Variants in NAAA observed in about 807,000 individuals in gnomAD.
NAAA encodes N-acylethanolamine acid amidase.
In NAAA, 39 loss-of-function variants were observed where a neutral mutation model predicts 44.8. The ratio of observed to expected loss-of-function variants is 0.87; its 90% CI spans 0.67 to 1.14. The LOEUF (loss-of-function observed/expected upper bound fraction) is 1.14. Ranked by LOEUF, NAAA falls within the 50% of genes most tolerant of loss-of-function variation. The probability of loss-of-function intolerance (pLI) is 0.00; values close to 1 mark genes in which losing one functional copy is unlikely to be tolerated. For synonymous variants in NAAA, 178 were observed against 191.3 expected (o/e 0.93, Z 0.58); for missense variants, 460 against 467.8 (o/e 0.98, Z 0.15).
chr4:75,921,510 A>G (rs1451488056), intron 5 of NAAA, among the ~76,000 whole-genome samples: 1 of 152,168 alleles, frequency 6.6e-6, no homozygotes, highest in Non-Finnish European at 1.5e-5. Context: ...TGGGGGATAG[A>G]GCAGTGAATG....
Position 75,914,329 on chromosome 4 carries a change from A to G in NAAA, c.*46T>C. On this transcript the variant is annotated 3_prime_UTR_variant, in exon 11 of 11. Transcript: ENST00000286733. ...CAGCTCTTCAAGAATTTCATTTTTTAAAAAATCATCTGTAAGGGAAGAAAA... is the reference window on the plus strand; with the variant it reads ...CAGCTCTTCAAGAATTTCATTTTTTGAAAAATCATCTGTAAGGGAAGAAAA... The G allele has an allele frequency of 1.0e-6, 1 of 982,304 alleles. No homozygotes were observed. The highest frequency in any genetic ancestry group is 1.2e-6 in the Non-Finnish European group (1 of 826,864). The allele number at this position is 982,304 out of a possible 1,614,324, so 60.8% of individuals were successfully genotyped here. A position where few individuals can be genotyped will look rare whatever the true frequency, so the allele number is the denominator to read the frequency against.
At chr4:75,937,631 G>A (rs891587583) in intron 2 of NAAA, among the ~76,000 whole-genome samples, 4 of 152,150 alleles carry the variant, frequency 2.6e-5, no homozygotes, top group Admixed American at 6.5e-5. Flanking sequence ...GACCACAGGC[G>A]CAAGCCTCCA....
intron 4 of NAAA, 121 bp downstream of exon 4, chr4:75,931,093 G>A (rs1354790194): frequency 4.3e-6 from 3 of 703,664 alleles, no homozygotes; most frequent in Non-Finnish European, 7.2e-6. Context: ...TCTCCCCCTA[G>A]GATGGAAGTC....
In NAAA at chr4:75,920,924, A is replaced by G; in HGVS notation, c.839+27T>C. On this transcript the variant is annotated intron_variant, in intron 6 of 10. Transcript: ENST00000286733. ...AAAAAAAATGATTATCTGATACAAAATGACCAGAGCTTTCAATTCTACTTA... is the reference window on the plus strand; with the variant it reads ...AAAAAAAATGATTATCTGATACAAAGTGACCAGAGCTTTCAATTCTACTTA... The G allele has an allele frequency of 1.9e-6, 3 of 1,613,616 alleles. No homozygotes were observed. In the South Asian group the frequency reaches 3.3e-5, roughly 18 times the overall value.
intron 1 of NAAA, 173 bp from the exon 2 acceptor site, chr4:75,940,338 G>A: frequency 1.6e-6 from 1 of 642,640 alleles, no homozygotes; most frequent in Non-Finnish European, 2.6e-6. Context: ...TCCCGGGAGT[G>A]GGGGGAAGGG....
chr4:75,921,842 A>G (rs559212336), intron 5 of NAAA, among the ~76,000 whole-genome samples: 1 of 152,268 alleles, frequency 6.6e-6, no homozygotes, highest in East Asian at 1.9e-4. Flanking sequence ...TAGCGCCCTG[A>G]GCTTAACTGG....
rs189110110 is a variant in NAAA, at chr4:75,936,796, A to G, written c.372-561T>C. 1.9e-3 allele frequency among the ~76,000 whole-genome samples: 290 copies of G among 152,354 alleles called. 2 individuals carry two copies. In the East Asian group the frequency reaches 0.036, roughly 19 times the overall value. ...TGCACAGAGATCATAATTTTAAAAA[A>G]GGGGGAATCTCTATGAACAGAAGTA... On this transcript the variant is annotated intron_variant, in intron 2 of 10. Coordinates refer to ENST00000286733, the MANE Select transcript of NAAA (RefSeq NM_014435.4).
At chr4:75,939,300 G>A (rs1350759436) in intron 2 of NAAA, among the ~76,000 whole-genome samples, 9 of 152,286 alleles carry the variant, frequency 5.9e-5, no homozygotes, top group African/African-American at 2.2e-4. Flanking sequence ...ACAAATAAGG[G>A]CAGAGATGAG....
intron 9 of NAAA, among the ~76,000 whole-genome samples, chr4:75,916,824 G>T (rs972245288): frequency 9.2e-6 from 1 of 108,956 alleles, no homozygotes. Flanking sequence ...GTCTCCCTCT[G>T]TCGCCCAGGC....
At chr4:75,922,140 G>T (rs113373042) in intron 5 of NAAA, among the ~76,000 whole-genome samples, 3,498 of 152,126 alleles carry the variant, frequency 0.023, 132 homozygotes, top group African/African-American at 0.079. Flanking sequence ...ACAATTCAAG[G>T]TATTGGTGTC....
chr4:75,930,879 C>A (rs559555899), intron 4 of NAAA, among the ~76,000 whole-genome samples: 11 of 152,150 alleles, frequency 7.2e-5, no homozygotes, highest in Admixed American at 7.2e-4. Context: ...TTCATCCTTG[C>A]GGTAAGACCA....
intron 2 of NAAA, among the ~76,000 whole-genome samples, chr4:75,936,787 T>C (rs1727759880): frequency 6.6e-6 from 1 of 152,092 alleles, no homozygotes; most frequent in Non-Finnish European, 1.5e-5. Context: ...GAGATCATAA[T>C]TTTAAAAAAG....
intron 9 of NAAA, among the ~76,000 whole-genome samples, chr4:75,915,319 A>C (rs2149240600): frequency 6.6e-6 from 1 of 152,290 alleles, no homozygotes; most frequent in East Asian, 1.9e-4. Context: ...ACTGCACTCC[A>C]GCCTGGGCAA....
intron 9 of NAAA, among the ~76,000 whole-genome samples, chr4:75,915,828 C>T (rs559275229): frequency 6.6e-6 from 1 of 152,318 alleles, no homozygotes; most frequent in African/African-American, 2.4e-5. Flanking sequence ...TTACACATTC[C>T]GTATAACAAG....
At chr4:75,939,872 C>G in intron 2 of NAAA, 129 bp downstream of exon 2, 1 of 1,034,982 alleles carries the variant, frequency 9.7e-7, no homozygotes, top group Non-Finnish European at 1.4e-6. Flanking sequence ...AAAGAGGAAG[C>G]GCTGGAGGTT....
intron 9 of NAAA, chr4:75,917,908 A>G (rs1194766228): frequency 8.3e-6 from 2 of 240,614 alleles, no homozygotes; most frequent in Non-Finnish European, 1.7e-5. Context: ...AACTAAGCGA[A>G]TTGTCAGTGG....
chr4:75,924,516 T>G (rs1341347265), intron 5 of NAAA, among the ~76,000 whole-genome samples: 1 of 152,250 alleles, frequency 6.6e-6, no homozygotes, highest in South Asian at 2.1e-4. Flanking sequence ...GGGAGACTAC[T>G]GTAGATGTGG....
chr4:75,930,319 G>A (rs191763218), intron 4 of NAAA, among the ~76,000 whole-genome samples: 1 of 152,244 alleles, frequency 6.6e-6, no homozygotes, highest in Non-Finnish European at 1.5e-5. Flanking sequence ...AATGGCAGTG[G>A]GGATGTCAAT....
At chr4:75,937,269 A>T (rs1264736283) in intron 2 of NAAA, among the ~76,000 whole-genome samples, 2 of 152,164 alleles carry the variant, frequency 1.3e-5, no homozygotes, top group African/African-American at 4.8e-5. Context: ...AAATACAAAA[A>T]TTAGCCGGGC....
Sources: gnomAD v4.1 joint callset for allele counts (sites outside exome capture counted in the v4.1 genomes callset) on GRCh38, gnomAD v4.1.1 for gene constraint, MANE v1.5 for transcripts, NCBI Gene and HGNC (gene_info 2026-07-23, HGNC 2026-07-21) for gene names.